POU2F2: variants seen among roughly 807,000 people sequenced by gnomAD.
The protein encoded by POU2F2 is POU class 2 homeobox 2.
POU2F2 carries 14 observed loss-of-function variants against 63.5 expected under a neutral mutation model. That is an observed-to-expected ratio of 0.22 (90% CI 0.15 to 0.34). The LOEUF is 0.34. POU2F2 is among the 10% of genes least tolerant of loss of function. The probability of loss-of-function intolerance (pLI) is 1.00; values close to 1 mark genes in which losing one functional copy is unlikely to be tolerated. For missense variants in POU2F2, 607 were observed against 815.2 expected (o/e 0.74, Z 3.11); for synonymous variants, 306 against 348.6 (o/e 0.88, Z 1.36).
rs1419479653 is a variant in POU2F2, at chr19:42,088,470, G to A, written c.*2787C>T. ...ATGGGGAGGAAGCAGGATGAAGTGG[G>A]TGGTGGTGAGTCCTGGATTTTCTTT... On this transcript the variant is annotated 3_prime_UTR_variant, in exon 15 of 15. Transcript: ENST00000692977. The A allele has an allele frequency of 1.3e-5, 2 of 151,400 alleles. No individual in the cohort carries two copies. Among genetic ancestry groups the A allele is most frequent in the African/African-American group, 4.9e-5 (2 of 41,102 alleles). 9.4% of individuals were successfully genotyped at this position (151,400 alleles called of 1,614,324 possible).
chr19:42,194,688 G>A (rs1469031867), intron 1 of POU2F2, among the ~76,000 whole-genome samples: 1 of 142,492 alleles, frequency 7.0e-6, no homozygotes, highest in Non-Finnish European at 1.5e-5. Flanking sequence ...GAACCTGGGA[G>A]GTGGAGGTTA....
At chr19:42,185,527 A>G (rs1253952689) in intron 1 of POU2F2, among the ~76,000 whole-genome samples, 1 of 152,100 alleles carries the variant, frequency 6.6e-6, no homozygotes, top group Non-Finnish European at 1.5e-5. Flanking sequence ...CTGTACTGCA[A>G]CCACACCAAA....
chr19:42,126,172 C>T (rs950538223), intron 1 of POU2F2, among the ~76,000 whole-genome samples: 2 of 152,080 alleles, frequency 1.3e-5, no homozygotes, highest in East Asian at 1.9e-4. Flanking sequence ...GGGGCGGGCG[C>T]GGTGGCTCAT....
intron 5 of POU2F2, among the ~76,000 whole-genome samples, chr19:42,104,062 TGACA>T (rs1382960458): frequency 6.6e-6 from 1 of 152,216 alleles, no homozygotes; most frequent in African/African-American, 2.4e-5. Context: ...GTAATGTGGC[TGACA>T]GACAGGTCTG....
At chr19:42,125,822 C>G (rs1451535750) in intron 1 of POU2F2, among the ~76,000 whole-genome samples, 1 of 152,218 alleles carries the variant, frequency 6.6e-6, no homozygotes, top group Non-Finnish European at 1.5e-5. Flanking sequence ...AGCTCATGCA[C>G]AGTGCTCTTC....
chr19:42,150,613 C>A (rs1599671175), intron 2 of POU2F2, among the ~76,000 whole-genome samples: 2 of 151,584 alleles, frequency 1.3e-5, no homozygotes, highest in East Asian at 3.9e-4. Flanking sequence ...GCCTTCGCAG[C>A]GACCAGGGCC....
chr19:42,192,975 C>T (rs932657176), intron 1 of POU2F2, among the ~76,000 whole-genome samples: 1 of 152,032 alleles, frequency 6.6e-6, no homozygotes, highest in East Asian at 1.9e-4. Context: ...AATCCCAGCA[C>T]TTTGGGAGGC....
intron 5 of POU2F2, among the ~76,000 whole-genome samples, chr19:42,104,992 C>A (rs1478840296): frequency 1.3e-5 from 2 of 152,144 alleles, no homozygotes; most frequent in African/African-American, 4.8e-5. Context: ...GAAGTCCTAG[C>A]ACTCTATCCT....
chr19:42,093,812 T>C lies in POU2F2; in HGVS notation c.1264+17A>G. The C allele has an allele frequency of 6.3e-7, 1 of 1,596,310 alleles. No homozygotes were observed. Among genetic ancestry groups the C allele is most frequent in the Non-Finnish European group, 8.6e-7 (1 of 1,166,642 alleles). Reference sequence around the variant, plus strand: ...CATCCTCCCAGTCCCCCCTCACCATTTTCTGCCCTCCCTGACCTGTTGTGC... The same window carrying C: ...CATCCTCCCAGTCCCCCCTCACCATCTTCTGCCCTCCCTGACCTGTTGTGC... On this transcript the variant is annotated intron_variant, in intron 12 of 14. Coordinates refer to ENST00000692977, the MANE Select transcript of POU2F2 (RefSeq NM_001394376.1).
At chr19:42,116,889 G>A (rs557150534) in intron 5 of POU2F2, 128 of 475,496 alleles carry the variant, frequency 2.7e-4, no homozygotes, top group Non-Finnish European at 3.8e-4. Flanking sequence ...CGGCGGCGGC[G>A]GCGGCAGCGG....
chr19:42,171,816 C>T (rs895757045), intron 1 of POU2F2, among the ~76,000 whole-genome samples: 1 of 151,924 alleles, frequency 6.6e-6, no homozygotes, highest in African/African-American at 2.4e-5. Context: ...AACCCCCAAC[C>T]TTGTTGGTTT....
chr19:42,135,441 GGAT>G (rs1365106199), upstream of POU2F2, among the ~76,000 whole-genome samples: 2 of 151,884 alleles, frequency 1.3e-5, no homozygotes, highest in African/African-American at 4.8e-5. Context: ...CAGGAAAACA[GGAT>G]GATAGGGGTG....
At chr19:42,106,779 A>AAGGAGGAAGAGGAGGAGG (rs1418939279) in intron 5 of POU2F2, among the ~76,000 whole-genome samples, 8 of 142,464 alleles carry the variant, frequency 5.6e-5, no homozygotes, top group East Asian at 4.2e-4. Context: ...GGAAGAGGAG[A>AAGGAGGAAGAGGAGGAGG]AGGAGGAAGA....
chr19:42,179,386 G>T (rs1332072285), upstream of POU2F2, among the ~76,000 whole-genome samples: 2 of 152,142 alleles, frequency 1.3e-5, no homozygotes, highest in Admixed American at 6.5e-5. Context: ...CCGACCAGGG[G>T]AAGGTGGGCA....
chr19:42,173,842 C>T (rs533731385), intron 1 of POU2F2, among the ~76,000 whole-genome samples: 3 of 152,266 alleles, frequency 2.0e-5, no homozygotes, highest in South Asian at 4.1e-4. Flanking sequence ...ACCTCTCCAA[C>T]GGCAAGGATG....
intron 1 of POU2F2, among the ~76,000 whole-genome samples, chr19:42,130,059 C>CA (rs2033566831): frequency 6.6e-6 from 1 of 152,194 alleles, no homozygotes; most frequent in Admixed American, 6.5e-5. Context: ...TGCGTACACA[C>CA]ATGCACTCAC....
intron 5 of POU2F2, among the ~76,000 whole-genome samples, chr19:42,104,303 T>C (rs559910511): frequency 6.6e-6 from 1 of 152,264 alleles, no homozygotes; most frequent in South Asian, 2.1e-4. Flanking sequence ...AAATTACAAC[T>C]GCACACAGCC....
chr19:42,183,361 A>G (rs1231639858), intron 1 of POU2F2, among the ~76,000 whole-genome samples: 1 of 152,238 alleles, frequency 6.6e-6, no homozygotes, highest in African/African-American at 2.4e-5. Context: ...GTAGGATTCC[A>G]TTTACATGAA....
intron 1 of POU2F2, among the ~76,000 whole-genome samples, chr19:42,122,802 C>T (rs1174120139): frequency 6.6e-6 from 1 of 152,220 alleles, no homozygotes; most frequent in South Asian, 2.1e-4. Flanking sequence ...TTGCCTTATC[C>T]TTTCACCTCT....
Sources: gnomAD v4.1 joint callset for allele counts (sites outside exome capture counted in the v4.1 genomes callset) on GRCh38, gnomAD v4.1.1 for gene constraint, MANE v1.5 for transcripts, NCBI Gene and HGNC (gene_info 2026-07-23, HGNC 2026-07-21) for gene names.